The following FBXO25 variants were observed in gnomAD, a reference collection of about 807,000 sequenced individuals.
FBXO25 encodes F-box only protein 25.
Under a neutral mutation model 51.9 loss-of-function variants are expected in FBXO25, and 45 were observed. That is an observed-to-expected ratio of 0.87 (90% confidence interval 0.68 to 1.11). FBXO25 has a LOEUF of 1.11. Among genes scored for constraint, FBXO25 ranks in the 50% most tolerant of loss-of-function variants. The pLI is 0.00. For synonymous variants in FBXO25, 199 were observed against 151.0 expected (o/e 1.32, Z -2.33); for missense variants, 507 against 428.5 (o/e 1.18, Z -1.62).
intron 2 of FBXO25, among the ~76,000 whole-genome samples, chr8:417,140 G>A (rs1430024335): frequency 6.6e-6 from 1 of 152,220 alleles, no homozygotes; most frequent in Non-Finnish European, 1.5e-5. Flanking sequence ...CGGAAGCGGG[G>A]CCAGTAGGAG....
intron 1 of FBXO25, among the ~76,000 whole-genome samples, chr8:408,123 C>G (rs1276932931): frequency 1.3e-5 from 2 of 152,194 alleles, no homozygotes; most frequent in Non-Finnish European, 1.5e-5. Flanking sequence ...ATTTCTGACT[C>G]TCAGCCCTCA....
At chr8:465,296 G>T (rs891579387) in intron 9 of FBXO25, among the ~76,000 whole-genome samples, 1 of 152,152 alleles carries the variant, frequency 6.6e-6, no homozygotes, top group African/African-American at 2.4e-5. Context: ...AGTAAGAGTG[G>T]ACACAATACT....
intron 7 of FBXO25, among the ~76,000 whole-genome samples, chr8:452,105 C>G (rs1363511029): frequency 6.6e-6 from 1 of 152,194 alleles, no homozygotes; most frequent in African/African-American, 2.4e-5. Context: ...GCAGATTGCA[C>G]TGCTAAGATC....
chr8:453,950 G>A (rs533505893), intron 7 of FBXO25, among the ~76,000 whole-genome samples: 4 of 152,160 alleles, frequency 2.6e-5, no homozygotes, highest in South Asian at 4.2e-4. Context: ...ATGGTGAAAC[G>A]CTGTCTTTAC....
At position 476,442 on chromosome 8, in the gene FBXO25, A is replaced by AT. The variant is rs1353889879; in HGVS notation, c.*7641dup. ...TTTTGGAAGAGTTTGAGGAGAATTG[A>AT]TTTAATTCTTCAGATGTTTGCCAGA... On this transcript the variant is annotated 3_prime_UTR_variant, in exon 10 of 10. Transcript: ENST00000350302. 6.6e-6 allele frequency: 1 copy of AT among 152,160 alleles called. No homozygotes were observed. The highest frequency in any genetic ancestry group is 1.5e-5 in the Non-Finnish European group (1 of 68,028). The allele number at this position is 152,160 out of a possible 1,614,324, so 9.4% of individuals were successfully genotyped here. A position where few individuals can be genotyped will look rare whatever the true frequency, so the allele number is the denominator to read the frequency against.
At chr8:459,653 G>A (rs1037895587) in intron 8 of FBXO25, among the ~76,000 whole-genome samples, 2 of 152,204 alleles carry the variant, frequency 1.3e-5, no homozygotes, top group South Asian at 4.1e-4. Context: ...GATGGGATGG[G>A]GGCTGCCACA....
chr8:451,460 A>C lies in FBXO25; in HGVS notation c.660+7A>C, dbSNP rs761844002. Reference sequence around the variant, plus strand: ...GGATCTTCAGATGACTAAGGTATAAATATCTCGGCATAAGAGTTATTACAC... The same window carrying C: ...GGATCTTCAGATGACTAAGGTATAACTATCTCGGCATAAGAGTTATTACAC... On this transcript the variant is annotated splice_region_variant and intron_variant, in intron 7 of 9. Transcript: ENST00000350302. 3.7e-6 allele frequency: 6 copies of C among 1,611,922 alleles called. No homozygotes were observed. In the Admixed American group the frequency reaches 1.0e-4, roughly 27 times the overall value.
intron 2 of FBXO25, among the ~76,000 whole-genome samples, chr8:424,174 A>C (rs1342050393): frequency 6.9e-6 from 1 of 145,096 alleles, no homozygotes; most frequent in African/African-American, 2.6e-5. Context: ...GCTGGAGTGC[A>C]GTGGCGCAAT....
At chr8:409,614 C>G (rs1320178341) in intron 1 of FBXO25, among the ~76,000 whole-genome samples, 1 of 152,108 alleles carries the variant, frequency 6.6e-6, no homozygotes. Context: ...GGCATAGTGT[C>G]TAAATAGGTA....
chr8:457,936 A>C (rs1250285760), intron 7 of FBXO25, among the ~76,000 whole-genome samples: 2 of 152,210 alleles, frequency 1.3e-5, no homozygotes, highest in Admixed American at 1.3e-4. Flanking sequence ...TGTCCAGGCC[A>C]CCCAGTGGTG....
intron 1 of FBXO25, among the ~76,000 whole-genome samples, chr8:408,098 C>T (rs1796272708): frequency 6.6e-6 from 1 of 152,204 alleles, no homozygotes; most frequent in South Asian, 2.1e-4. Flanking sequence ...TCTGTAAGTC[C>T]TTAGAGTACA....
chr8:442,727 C>G (rs1421370131), intron 5 of FBXO25, among the ~76,000 whole-genome samples: 1 of 152,144 alleles, frequency 6.6e-6, no homozygotes, highest in Non-Finnish European at 1.5e-5. Context: ...GCCTCGGCCT[C>G]CCAAAGTGCT....
At chr8:453,546 T>C (rs1311689406) in intron 7 of FBXO25, among the ~76,000 whole-genome samples, 1 of 152,184 alleles carries the variant, frequency 6.6e-6, no homozygotes, top group Non-Finnish European at 1.5e-5. Flanking sequence ...GATGCCGGAC[T>C]CAGTCAGCCA....
intron 4 of FBXO25, 147 bp from the exon 5 acceptor site, chr8:435,468 T>C: frequency 1.0e-6 from 1 of 983,898 alleles, no homozygotes; most frequent in Non-Finnish European, 1.5e-6. Flanking sequence ...AATTTTACTA[T>C]ACTCTCATCT....
intron 2 of FBXO25, chr8:420,292 G>A (rs1459242808): frequency 6.6e-6 from 1 of 152,216 alleles, no homozygotes; most frequent in Admixed American, 6.5e-5. Context: ...TCCCAGTGCT[G>A]GCAAGGACAG....
At chr8:422,512 AAAC>A (rs1325454556) in intron 2 of FBXO25, among the ~76,000 whole-genome samples, 4 of 152,136 alleles carry the variant, frequency 2.6e-5, no homozygotes, top group African/African-American at 7.2e-5. Context: ...TGGCCTGGCA[AAAC>A]AACAAAGCCT....
chr8:455,474 A>G (rs541456063), intron 7 of FBXO25, among the ~76,000 whole-genome samples: 16 of 152,200 alleles, frequency 1.1e-4, no homozygotes, highest in Non-Finnish European at 2.2e-4. Context: ...TGGGCCTCCC[A>G]TGGAGAAGGG....
intron 2 of FBXO25, among the ~76,000 whole-genome samples, chr8:419,419 CAA>C (rs1380604992): frequency 2.0e-5 from 3 of 152,104 alleles, no homozygotes; most frequent in Non-Finnish European, 4.4e-5. Context: ...TCACCACAAT[CAA>C]GAGAGTGGTA....
intron 9 of FBXO25, 130 bp from the exon 10 acceptor site, chr8:468,585 T>A: frequency 1.6e-6 from 1 of 642,566 alleles, no homozygotes; most frequent in Non-Finnish European, 2.7e-6. Flanking sequence ...TCATCCAAGT[T>A]ATCTCCCATG....
Sources: gnomAD v4.1 joint callset for allele counts (sites outside exome capture counted in the v4.1 genomes callset) on GRCh38, gnomAD v4.1.1 for gene constraint, MANE v1.5 for transcripts, NCBI Gene and HGNC (gene_info 2026-07-23, HGNC 2026-07-21) for gene names.